Variants in IQCB1 observed in about 807,000 individuals in gnomAD.
IQCB1 encodes the protein IQ calmodulin-binding motif-containing protein 1.
Under a neutral mutation model 84.4 loss-of-function variants are expected in IQCB1, and 56 were observed. The ratio of observed to expected loss-of-function variants is 0.66; its 90% CI spans 0.54 to 0.83. The LOEUF (loss-of-function observed/expected upper bound fraction) is 0.83. IQCB1 is among the 40% of genes least tolerant of loss of function. IQCB1 has a pLI of 0.00. For synonymous variants in IQCB1, 210 were observed against 234.8 expected (o/e 0.89, Z 0.96); for missense variants, 629 against 682.1 (o/e 0.92, Z 0.87).
At chr3:121,804,791 CTTCACACA>C (rs1367803510) in intron 7 of IQCB1, among the ~76,000 whole-genome samples, 5 of 152,094 alleles carry the variant, frequency 3.3e-5, no homozygotes, top group Non-Finnish European at 7.4e-5. Flanking sequence ...GTCATTACTT[CTTCACACA>C]TTTTTTTGTG....
In IQCB1 at chr3:121,795,518, G is replaced by C. The variant is rs760061241; in HGVS notation, c.925C>G (p.Gln309Glu). 6.2e-7 allele frequency: 1 copy of C among 1,609,934 alleles called. No individual in the cohort carries two copies. Among genetic ancestry groups the C allele is most frequent in the South Asian group, 1.1e-5 (1 of 90,968 alleles). The change falls in exon 10 of 15, where the codon CAG becomes GAG. Residue 309 changes from glutamine to glutamate, a missense_variant. Coordinates refer to ENST00000310864, the MANE Select transcript of IQCB1 (RefSeq NM_001023570.4). The part of the protein sequence containing the change: ...CLIQAYWKGF[Q>E]TRKRLKKLPS... ...AGCTTCTTTAATCTCTTTCTTGTCT[G>C]AAAACCCTTCCAATAGGCTTGAATC...
chr3:121,803,480 G>T (rs1949487150), intron 7 of IQCB1, among the ~76,000 whole-genome samples: 1 of 151,054 alleles, frequency 6.6e-6, no homozygotes, highest in Admixed American at 6.6e-5. Flanking sequence ...ATGTCAATCA[G>T]GTCAGATTGG....
At chr3:121,819,604 T>C (rs1205191254) in intron 5 of IQCB1, among the ~76,000 whole-genome samples, 1 of 152,212 alleles carries the variant, frequency 6.6e-6, no homozygotes, top group Admixed American at 6.5e-5. Context: ...TACCCAATTA[T>C]GTACTTATTA....
In IQCB1 at chr3:121,802,272, T is replaced by C. The variant is rs532685168; in HGVS notation, c.588-2898A>G. ...AGCCATCCAGACCTGGAGTTCTCTT[T>C]GTGGGAAGGTTTTTAGCTACAAATT... On this transcript the variant is annotated intron_variant, in intron 7 of 14. Transcript: ENST00000310864. Among the ~76,000 whole-genome samples, 24 of 152,202 alleles carry C rather than the reference T, an allele frequency of 1.6e-4. No homozygotes were observed. The South Asian group carries it at 5.0e-3, about 32-fold the overall frequency.
rs57981084 is a variant in IQCB1 at position 121,795,608 on chromosome 3, CT to C, written c.877-43del. On this transcript the variant is annotated intron_variant, in intron 9 of 14. Transcript: ENST00000310864. Reference sequence around the variant, plus strand: ...AATTTAGAGATATCTCTAGGAAGGTCTTTAAAAAAAAAAAAAAGTTTACCTC... The same window carrying C: ...AATTTAGAGATATCTCTAGGAAGGTCTTAAAAAAAAAAAAAAGTTTACCTC... The C allele has an allele frequency of 1.8e-3, 1,800 of 977,900 alleles. 10 individuals are homozygous for C. In the African/African-American group the frequency reaches 0.035, roughly 19 times the overall value. 60.6% of individuals were successfully genotyped at this position (977,900 alleles called of 1,614,324 possible).
intron 5 of IQCB1, among the ~76,000 whole-genome samples, chr3:121,819,285 G>C (rs150252294): frequency 2.6e-5 from 4 of 152,302 alleles, no homozygotes; most frequent in African/African-American, 9.6e-5. Context: ...CTCATAATGA[G>C]CCTGCAACCT....
chr3:121,777,669 C>T (rs768152609), intron 13 of IQCB1, among the ~76,000 whole-genome samples: 43 of 152,152 alleles, frequency 2.8e-4, no homozygotes, highest in Non-Finnish European at 6.0e-4. Flanking sequence ...AAGTCTTTTA[C>T]ACCTTAAAGA....
chr3:121,795,508 T>C lies in IQCB1; in HGVS notation c.935A>G (p.Lys312Arg), dbSNP rs1233437914. The C allele has an allele frequency of 6.2e-7, 1 of 1,611,010 alleles. No individual in the cohort carries two copies. Among genetic ancestry groups the C allele is most frequent in the Admixed American group, 1.7e-5 (1 of 60,002 alleles). ...AGCAGATGGAAGCTTCTTTAATCTC[T>C]TTCTTGTCTGAAAACCCTTCCAATA... ...QAYWKGFQTR[K>R]RLKKLPSAVI... is the part of the protein sequence containing the mutation. Residue 312 changes from lysine to arginine, a missense_variant, in exon 10 of 15, where the codon AAG becomes AGG. Physicochemically the swap from Lys to Arg is conservative, Grantham distance 26 (BLOSUM62 2). Transcript: ENST00000310864.
intron 7 of IQCB1, among the ~76,000 whole-genome samples, chr3:121,805,081 A>G (rs1351395852): frequency 6.6e-6 from 1 of 152,158 alleles, no homozygotes; most frequent in Admixed American, 6.5e-5. Flanking sequence ...AAATATATGG[A>G]GTATGGTTAT....
chr3:121,772,520 G>T (rs751307302), intron 14 of IQCB1, 37 bp downstream of exon 14: 54 of 1,610,486 alleles, frequency 3.4e-5, no homozygotes, highest in Admixed American at 3.2e-4. Context: ...CGCATAGGTT[G>T]TTCCTTTTAG....
chr3:121,801,699 T>G (rs1015036613), intron 7 of IQCB1, among the ~76,000 whole-genome samples: 3 of 151,952 alleles, frequency 2.0e-5, no homozygotes, highest in Admixed American at 6.6e-5. Context: ...AAAGCTTCCT[T>G]GTATTTCATT....
rs922310199 is a variant in IQCB1 at position 121,823,346 on chromosome 3, G to A, written c.393+2705C>T. Among the ~76,000 whole-genome samples, 60 of 152,130 alleles carry A rather than the reference G, an allele frequency of 3.9e-4. No individual in the cohort carries two copies. The Middle Eastern group carries it at 0.01, about 26-fold the overall frequency. On this transcript the variant is annotated intron_variant, in intron 5 of 14. Coordinates refer to ENST00000310864, the MANE Select transcript of IQCB1 (RefSeq NM_001023570.4). ...CATTAACTCAGACACATGAAACTCA[G>A]GACCTCCAAGCAAGATAGACATCAG...
Position 121,828,605 on chromosome 3 carries a change from CT to C in IQCB1, c.127del (p.Ser43AlafsTer4), listed in dbSNP as rs1950532289. 6.2e-7 allele frequency: 1 copy of C among 1,602,450 alleles called. No homozygotes were observed. The highest frequency in any genetic ancestry group is 1.3e-5 in the African/African-American group (1 of 74,604). ...TTGTTTGATTTTCTTCAACTCTGAG[CT>C]TCCTAAAGGTGTGATGTTTATTATT... is the stretch of plus-strand genomic sequence containing the variant. ...KEIINITPLGSSELKKIKQDI... is the reference protein window; with the variant it reads ...KEIINITPLGXSELKKIKQDI... On this transcript the variant is annotated frameshift_variant, in exon 4 of 15. Transcript: ENST00000310864. LOFTEE classifies it high-confidence loss of function.
rs139879193 is a variant in IQCB1, at chr3:121,786,361, G to C, written c.1278+1923C>G. ...TGAAAGTAATTCTTGGCCAGGCATG[G>C]TGGTTCATGCCTATAATCTCAGCAC... On this transcript the variant is annotated intron_variant, in intron 12 of 14. Coordinates refer to ENST00000310864, the MANE Select transcript of IQCB1 (RefSeq NM_001023570.4). Among the ~76,000 whole-genome samples the C allele has an allele frequency of 4.8e-3, 718 of 149,232 alleles. 1 individual carries two copies. The highest frequency in any genetic ancestry group is 7.5e-3 in the Non-Finnish European group (504 of 67,388).
Position 121,799,389 on chromosome 3 carries a change from TAAAAAA to T in IQCB1, c.588-21_588-16del, listed in dbSNP as rs574290389. On this transcript the variant is annotated splice_polypyrimidine_tract_variant and intron_variant, in intron 7 of 14. Transcript: ENST00000310864. ...GTAAATCACCACTAATAGAACAAAA[TAAAAAA>T]AAAAGTACCATTACTAATTGATGTA... 1 of 1,301,836 alleles carries T rather than the reference TAAAAAA, an allele frequency of 7.7e-7. No individual in the cohort carries two copies. Among genetic ancestry groups the T allele is most frequent in the African/African-American group, 1.5e-5 (1 of 65,246 alleles). 80.6% of individuals were successfully genotyped at this position (1,301,836 alleles called of 1,614,324 possible). A position where few individuals can be genotyped will look rare whatever the true frequency, so the allele number is the denominator to read the frequency against.
chr3:121,782,010 G>C (rs1443830025), intron 12 of IQCB1, 136 bp from the exon 13 acceptor site: 1 of 840,692 alleles, frequency 1.2e-6, no homozygotes, highest in Non-Finnish European at 1.9e-6. Flanking sequence ...GAATGGGACT[G>C]TGACAAAATG....
Position 121,776,092 on chromosome 3 carries a change from C to T in IQCB1, c.1411-3379G>A, listed in dbSNP as rs115347634. Among the ~76,000 whole-genome samples, 1,504 of 151,908 alleles carry T rather than the reference C, an allele frequency of 9.9e-3. 16 individuals carry two copies. Among genetic ancestry groups the T allele is most frequent in the African/African-American group, 0.034 (1,401 of 41,426 alleles). ...AATTTTTTTTGAAGACAGGGTCTCA[C>T]TCTCTCACCCAGGATAGAGTGCAGT... is the stretch of plus-strand genomic sequence containing the variant. On this transcript the variant is annotated intron_variant, in intron 13 of 14. Transcript: ENST00000310864.
intron 4 of IQCB1, among the ~76,000 whole-genome samples, chr3:121,827,441 G>A (rs1950500069): frequency 6.6e-6 from 1 of 151,902 alleles, no homozygotes; most frequent in Non-Finnish European, 1.5e-5. Context: ...TGATTGAGAA[G>A]ATTAACAAAT....
rs774106373 is a variant in IQCB1, at chr3:121,772,574, T to G, written c.1550A>C (p.Asn517Thr). ...GCACATACTCATTAGCTGTTCAACG[T>G]TGGTGCTGATCTGTGCTATCAGAGC... ...REALIAQIST[N>T]VEQLMKAPSL... is the part of the protein sequence containing the mutation. The change falls in exon 14 of 15, where the codon AAC becomes ACC. Residue 517 changes from asparagine (N) to threonine (T), a missense_variant. Transcript: ENST00000310864. 1 of 1,614,232 alleles carries G rather than the reference T, an allele frequency of 6.2e-7. No homozygotes were observed. The highest frequency in any genetic ancestry group is 8.5e-7 in the Non-Finnish European group (1 of 1,180,032).
Sources: gnomAD v4.1 joint callset for allele counts (sites outside exome capture counted in the v4.1 genomes callset) on GRCh38, gnomAD v4.1.1 for gene constraint, MANE v1.5 for transcripts, NCBI Gene and HGNC (gene_info 2026-07-23, HGNC 2026-07-21) for gene names.